Variants in ABCC11 observed in about 807,000 individuals in gnomAD.
The protein encoded by ABCC11 is ATP binding cassette subfamily C member 11, also known as ATP-binding cassette sub-family C member 11.
In ABCC11, 135 loss-of-function variants were observed where a neutral mutation model predicts 149.3. The ratio of observed to expected loss-of-function variants is 0.90; its 90% CI spans 0.79 to 1.04. The LOEUF is 1.04. ABCC11 is among the 50% of genes least tolerant of loss of function. ABCC11 has a pLI of 0.00. For synonymous variants in ABCC11, 665 were observed against 671.4 expected (o/e 0.99, Z 0.15); for missense variants, 1,680 against 1,722.1 (o/e 0.98, Z 0.43).
chr16:48,189,376 T>A (rs986782302), intron 20 of ABCC11, among the ~76,000 whole-genome samples: 2 of 152,230 alleles, frequency 1.3e-5, no homozygotes, highest in Non-Finnish European at 2.9e-5. Context: ...CAGTTTCTGA[T>A]TGTCTTCTAA....
intron 2 of ABCC11, 147 bp downstream of exon 2, chr16:48,231,676 A>G: frequency 1.2e-6 from 1 of 800,248 alleles, no homozygotes; most frequent in East Asian, 3.7e-5. Flanking sequence ...AAAAAAAAAA[A>G]GAGAGAGAGA....
At chr16:48,205,334 A>C in intron 13 of ABCC11, 79 bp downstream of exon 13, 1 of 1,575,876 alleles carries the variant, frequency 6.3e-7, no homozygotes, top group Non-Finnish European at 8.7e-7. Context: ...AGCAGTTGTC[A>C]GGTTACCGTT....
At chr16:48,209,400 A>G (rs1968722235) in intron 11 of ABCC11, 1 of 152,284 alleles carries the variant, frequency 6.6e-6, no homozygotes, top group African/African-American at 2.4e-5. Context: ...ATGGCAGGGG[A>G]TTGGTTTCAG....
At chr16:48,193,162 C>T (rs1038401644) in intron 19 of ABCC11, among the ~76,000 whole-genome samples, 6 of 152,182 alleles carry the variant, frequency 3.9e-5, no homozygotes, top group South Asian at 2.1e-4. Context: ...CTGGGAATCA[C>T]CCACTTCAGT....
Position 48,184,597 on chromosome 16 carries a change from T to C in ABCC11, c.3101A>G (p.Asn1034Ser), listed in dbSNP as rs1330480994. Reference sequence around the variant, plus strand: ...GGAAGATAGAAACAACAGCAGGTAGTTATTCTGCGCATCAGTCAGCCTCTT... The same window carrying C: ...GGAAGATAGAAACAACAGCAGGTAGCTATTCTGCGCATCAGTCAGCCTCTT... Reference protein sequence around the residue: ...QFKRLTDAQNNYLLLFLSSTR... With the variant: ...QFKRLTDAQNSYLLLFLSSTR... Residue 1034 changes from asparagine (N) to serine (S), a missense_variant, in exon 23 of 30, where the codon AAC becomes AGC. By Grantham distance (46) the Asn-to-Ser change is conservative. Transcript: ENST00000356608. 15 of 1,614,166 alleles carry C rather than the reference T, an allele frequency of 9.3e-6. No homozygotes were observed. The highest frequency in any genetic ancestry group is 1.3e-5 in the Non-Finnish European group (15 of 1,180,002).
At position 48,196,228 on chromosome 16, in the gene ABCC11, G is replaced by A. The variant is rs764761176; in HGVS notation, c.2404+4C>T. ...AGAGCCCTGGGCTGGCATGGGGACC[G>A]TACCTCCAGCTGCCTGGATGTAGTG... On this transcript the variant is annotated splice_donor_region_variant and intron_variant, in intron 18 of 29. Coordinates refer to ENST00000356608, the MANE Select transcript of ABCC11 (RefSeq NM_001370497.1). 16 of 1,613,846 alleles carry A rather than the reference G, an allele frequency of 9.9e-6. 1 individual carries two copies. The highest frequency in any genetic ancestry group is 3.3e-4 in the Middle Eastern group (2 of 6,084).
chr16:48,233,856 C>T (rs941331578), intron 1 of ABCC11, among the ~76,000 whole-genome samples: 4 of 152,316 alleles, frequency 2.6e-5, no homozygotes, highest in South Asian at 2.1e-4. Flanking sequence ...TCTATGTTAA[C>T]AAGTAAGAGG....
At chr16:48,210,658 T>C (rs1968841416) in intron 11 of ABCC11, 1 of 401,690 alleles carries the variant, frequency 2.5e-6, no homozygotes. Context: ...TGGGTCTCCT[T>C]TCCCTTCTCC....
At chr16:48,214,007 C>T (rs74510829) in intron 9 of ABCC11, among the ~76,000 whole-genome samples, 2,718 of 152,266 alleles carry the variant, frequency 0.018, 99 homozygotes, top group African/African-American at 0.063. Context: ...CATCTCCTTA[C>T]CCTTCATGCC....
At chr16:48,238,739 C>A (rs1247077145) in intron 1 of ABCC11, among the ~76,000 whole-genome samples, 5 of 151,750 alleles carry the variant, frequency 3.3e-5, no homozygotes. Flanking sequence ...AGATCGAGAC[C>A]ATCCTGGCTA....
intron 15 of ABCC11, among the ~76,000 whole-genome samples, chr16:48,199,784 C>T (rs1295564648): frequency 1.3e-5 from 2 of 150,096 alleles, no homozygotes; most frequent in Admixed American, 1.3e-4. Context: ...GCTCCATCCT[C>T]CCACCTTGGC....
chr16:48,201,456 AC>A (rs1454038624), intron 14 of ABCC11, among the ~76,000 whole-genome samples: 2 of 145,028 alleles, frequency 1.4e-5, no homozygotes, highest in African/African-American at 5.1e-5. Flanking sequence ...ATGTTTTTAA[AC>A]CTTTTTTTTT....
In ABCC11 at chr16:48,167,262, CT is replaced by C. The variant is rs1567466069; in HGVS notation, c.*11del. 5.0e-6 allele frequency: 4 copies of C among 798,512 alleles called. No homozygotes were observed. Among genetic ancestry groups the C allele is most frequent in the Non-Finnish European group, 9.2e-6 (4 of 434,882 alleles). 49.5% of individuals were successfully genotyped at this position (798,512 alleles called of 1,614,324 possible). A position where few individuals can be genotyped will look rare whatever the true frequency, so the allele number is the denominator to read the frequency against. On this transcript the variant is annotated 3_prime_UTR_variant, in exon 30 of 30. Transcript: ENST00000356608. ...GCTCAGCTGCCAGCCTCCATGAAGT[CT>C]CCACATCTCCTTATCTCAGTGAAGA... is the stretch of plus-strand genomic sequence containing the variant.
chr16:48,237,330 A>G (rs1350473772), intron 1 of ABCC11, among the ~76,000 whole-genome samples: 1 of 152,198 alleles, frequency 6.6e-6, no homozygotes, highest in Non-Finnish European at 1.5e-5. Context: ...CTACTGGCTC[A>G]ACCTCTCTCC....
chr16:48,239,504 G>A (rs1471219971), intron 1 of ABCC11, among the ~76,000 whole-genome samples: 2 of 146,570 alleles, frequency 1.4e-5, no homozygotes, highest in East Asian at 2.0e-4. Flanking sequence ...GGAGCTTGCA[G>A]TGAGCTGAGA....
Position 48,231,953 on chromosome 16 carries a change from A to G in ABCC11, c.-18-14T>C. The stretch of plus-strand genomic sequence containing the variant: ...TTCCTGCCAATTCTTCGTTTCCCAG[A>G]ATCAGAGAATATGAAAAGACAGCAG... On this transcript the variant is annotated splice_polypyrimidine_tract_variant and intron_variant, in intron 1 of 29. Coordinates refer to ENST00000356608, the MANE Select transcript of ABCC11 (RefSeq NM_001370497.1). 1.2e-6 allele frequency: 2 copies of G among 1,613,538 alleles called. No individual in the cohort carries two copies. The highest frequency in any genetic ancestry group is 1.7e-6 in the Non-Finnish European group (2 of 1,179,694).
At chr16:48,177,863 G>C (rs1966188170) in intron 24 of ABCC11, among the ~76,000 whole-genome samples, 1 of 152,204 alleles carries the variant, frequency 6.6e-6, no homozygotes. Flanking sequence ...GCCAGCCCCA[G>C]CCTGTGTGAT....
intron 22 of ABCC11, among the ~76,000 whole-genome samples, chr16:48,185,258 A>G (rs998408374): frequency 5.3e-5 from 8 of 152,222 alleles, no homozygotes; most frequent in African/African-American, 1.9e-4. Context: ...AAATTTTTTA[A>G]AGTACCAAGA....
intron 1 of ABCC11, among the ~76,000 whole-genome samples, chr16:48,243,541 T>C (rs898062623): frequency 6.6e-6 from 1 of 152,036 alleles, no homozygotes; most frequent in Admixed American, 6.6e-5. Context: ...TGAAGGACAT[T>C]AGTGGGAAAA....
Sources: allele counts gnomAD v4.1 joint callset (sites outside exome capture counted in the v4.1 genomes callset), GRCh38; gene constraint gnomAD v4.1.1; transcripts MANE v1.5; gene names NCBI Gene and HGNC (gene_info 2026-07-23, HGNC 2026-07-21).